TUSC3: variants seen among roughly 807,000 people sequenced by gnomAD.
TUSC3 encodes tumor suppressor candidate 3.
A neutral mutation model predicts 44.8 loss-of-function variants in TUSC3; 45 were observed. That is an observed-to-expected ratio of 1.00 (90% CI 0.79 to 1.29). The LOEUF (loss-of-function observed/expected upper bound fraction) is 1.29. Ranked by LOEUF, TUSC3 falls within the 50% of genes most tolerant of loss-of-function variation. The probability of loss-of-function intolerance (pLI) is 0.00; values close to 1 mark genes in which losing one functional copy is unlikely to be tolerated. For missense variants in TUSC3, 519 were observed against 437.9 expected, an observed-to-expected ratio of 1.19 and a Z score of -1.65; for synonymous variants, 212 against 152.9, an observed-to-expected ratio of 1.39 and a Z score of -2.85.
chr8:15,843,593 CAT>C, the TUSC3 span, among the ~76,000 whole-genome samples: 1,296 of 91,064 alleles, frequency 0.014, 14 homozygotes, highest in African/African-American at 0.029. Flanking sequence ...ACTTGATGTA[CAT>C]ATATATATAT....
At chr8:15,441,234 C>T (rs1162758289) in intron 1 of TUSC3, among the ~76,000 whole-genome samples, 2 of 152,134 alleles carry the variant, frequency 1.3e-5, no homozygotes. Flanking sequence ...TGACGAAACC[C>T]CGTCTCTACT....
At chr8:15,817,205 G>A in the TUSC3 span, among the ~76,000 whole-genome samples, 1 of 152,048 alleles carries the variant, frequency 6.6e-6, no homozygotes, top group African/African-American at 2.4e-5. Flanking sequence ...AAAGCACAAC[G>A]TAGTGAAATA....
At chr8:15,483,814 C>T (rs930977283) in intron 2 of TUSC3, among the ~76,000 whole-genome samples, 1 of 151,698 alleles carries the variant, frequency 6.6e-6, no homozygotes, top group East Asian at 1.9e-4. Flanking sequence ...AGCCACAATG[C>T]CCGGCTAATT....
chr8:15,425,107 A>G lies in TUSC3; in HGVS notation n.91+7802A>G, dbSNP rs544384576. On this transcript the variant is annotated intron_variant and non_coding_transcript_variant, in intron 1 of 5. Coordinates refer to the TUSC3 transcript ENST00000503191. ...CTCTTTAGGATTGAGTAAGCTTTGC[A>G]GAGGTAGGCAAAGGAAAAGTGTGAT... Among the ~76,000 whole-genome samples the G allele has an allele frequency of 9.3e-4, 142 of 152,322 alleles. 1 individual carries two copies. In the Middle Eastern group the frequency reaches 0.017, roughly 18 times the overall value.
the TUSC3 span, chr8:15,807,142 T>C: frequency 4.2e-6 from 4 of 959,580 alleles, no homozygotes; most frequent in Non-Finnish European, 6.7e-6. Flanking sequence ...TCAAGTCCAC[T>C]TGGCAAAGCA....
chr8:15,457,887 T>TTAC (rs1563256309), intron 1 of TUSC3, among the ~76,000 whole-genome samples: 45 of 149,208 alleles, frequency 3.0e-4, no homozygotes, highest in African/African-American at 9.5e-4. Flanking sequence ...TAATTACTAA[T>TTAC]TAATTAATTA....
chr8:15,807,386 A>G, the TUSC3 span: 1 of 329,384 alleles, frequency 3.0e-6, no homozygotes, highest in Non-Finnish European at 5.7e-6. Flanking sequence ...CTGTGGAGAG[A>G]AGGCAATGCT....
At chr8:15,499,777 A>T (rs549583709) in intron 2 of TUSC3, among the ~76,000 whole-genome samples, 1 of 152,124 alleles carries the variant, frequency 6.6e-6, no homozygotes, top group South Asian at 2.1e-4. Context: ...TTCTCCCTAC[A>T]CCATTAATGT....
At chr8:15,694,511 T>C (rs756445167) in intron 6 of TUSC3, among the ~76,000 whole-genome samples, 10 of 151,834 alleles carry the variant, frequency 6.6e-5, no homozygotes, top group Non-Finnish European at 1.2e-4. Flanking sequence ...ACACTCTGGC[T>C]TTTTGAATTG....
chr8:15,420,326 G>C (rs760178178), intron 1 of TUSC3, among the ~76,000 whole-genome samples: 4 of 151,852 alleles, frequency 2.6e-5, no homozygotes, highest in Non-Finnish European at 5.9e-5. Flanking sequence ...GGGAAACCTC[G>C]TCTCTACTAA....
chr8:15,835,536 T>C, the TUSC3 span, among the ~76,000 whole-genome samples: 1 of 152,198 alleles, frequency 6.6e-6, no homozygotes, highest in Non-Finnish European at 1.5e-5. Context: ...TTGAAGATTA[T>C]AACTTTTTCT....
At chr8:15,622,484 C>G (rs889768501) in intron 1 of TUSC3, among the ~76,000 whole-genome samples, 3 of 152,108 alleles carry the variant, frequency 2.0e-5, no homozygotes, top group African/African-American at 4.8e-5. Context: ...CCAAACCTCC[C>G]TAGGAACAGA....
intron 1 of TUSC3, among the ~76,000 whole-genome samples, chr8:15,462,346 A>T (rs747285500): frequency 6.6e-6 from 1 of 152,118 alleles, no homozygotes; most frequent in Non-Finnish European, 1.5e-5. Context: ...AAAATTGGGC[A>T]AAGTATCTGA....
At chr8:15,438,508 A>T (rs980374774) in intron 1 of TUSC3, among the ~76,000 whole-genome samples, 2 of 152,118 alleles carry the variant, frequency 1.3e-5, no homozygotes, top group Non-Finnish European at 2.9e-5. Context: ...GAATTTCAGA[A>T]ACTTGAGGTA....
At chr8:15,430,402 G>C (rs1799857619) in intron 1 of TUSC3, among the ~76,000 whole-genome samples, 1 of 150,628 alleles carries the variant, frequency 6.6e-6, no homozygotes, top group African/African-American at 2.5e-5. Flanking sequence ...AATAGATGCA[G>C]AAAAGGCCTT....
At chr8:15,637,592 C>T (rs1332707559) in intron 2 of TUSC3, among the ~76,000 whole-genome samples, 2 of 151,654 alleles carry the variant, frequency 1.3e-5, no homozygotes, top group Non-Finnish European at 2.9e-5. Context: ...AATTTTTATT[C>T]TTTCTGATTT....
chr8:15,635,067 TC>T (rs1554464893), intron 2 of TUSC3, among the ~76,000 whole-genome samples: 1 of 151,734 alleles, frequency 6.6e-6, no homozygotes, highest in African/African-American at 2.4e-5. Flanking sequence ...CTTTTTTTTT[TC>T]CCCCCAAAGG....
intron 1 of TUSC3, among the ~76,000 whole-genome samples, chr8:15,613,063 TG>T (rs1286231924): frequency 0.012 from 627 of 53,378 alleles, 4 homozygotes; most frequent in African/African-American, 0.032. Context: ...ATTATATATA[TG>T]ATATATATAT....
chr8:15,658,981 T>G (rs558111891), intron 3 of TUSC3, among the ~76,000 whole-genome samples: 6 of 152,248 alleles, frequency 3.9e-5, no homozygotes, highest in African/African-American at 1.4e-4. Context: ...GCAGAAATGT[T>G]GGTTTCTCTT....
Sources: gnomAD v4.1 joint callset for allele counts (sites outside exome capture counted in the v4.1 genomes callset) on GRCh38, gnomAD v4.1.1 for gene constraint, MANE v1.5 for transcripts, NCBI Gene and HGNC (gene_info 2026-07-23, HGNC 2026-07-21) for gene names.